Variants in ZNF497 observed in about 807,000 individuals in gnomAD.
The protein encoded by ZNF497 is zinc finger protein 497.
For missense variants in ZNF497, 930 were observed against 714.0 expected (o/e 1.30, Z -3.45); for synonymous variants, 422 against 313.7 (o/e 1.35, Z -3.65).
Position 58,355,858 on chromosome 19 carries a change from C to A in ZNF497, c.*281G>T. The A allele has an allele frequency of 2.5e-6, 1 of 406,344 alleles. No individual in the cohort carries two copies. The highest frequency in any genetic ancestry group is 4.1e-5 in the East Asian group (1 of 24,354). 25.2% of individuals were successfully genotyped at this position (406,344 alleles called of 1,614,324 possible). A position where few individuals can be genotyped will look rare whatever the true frequency, so the allele number is the denominator to read the frequency against. ...CCTGTCGGAGACCCCAGTTCTTGCC[C>A]ACCTCTGCATGGACGAACCTCTCGC... On this transcript the variant is annotated 3_prime_UTR_variant, in exon 3 of 3. Coordinates refer to ENST00000311044, the MANE Select transcript of ZNF497 (RefSeq NM_198458.3).
chr19:58,359,535 C>G (rs1246084927), intron 1 of ZNF497: 4 of 451,114 alleles, frequency 8.9e-6, no homozygotes, highest in South Asian at 6.3e-5. Flanking sequence ...CGCCTCCCCG[C>G]TTTTCTTGAG....
rs1437052622 is a variant in ZNF497, at chr19:58,356,080, C to CA, written c.*58dup. On this transcript the variant is annotated 3_prime_UTR_variant, in exon 3 of 3. Coordinates refer to ENST00000311044, the MANE Select transcript of ZNF497 (RefSeq NM_198458.3). ...AGTCTGGGCCAGCAGACAGCGCACT[C>CA]ACGCCCGAGACCCCGCAATGCCGTG... 1 of 1,465,978 alleles carries CA rather than the reference C, an allele frequency of 6.8e-7. No individual in the cohort carries two copies. The highest frequency in any genetic ancestry group is 9.0e-7 in the Non-Finnish European group (1 of 1,114,288). The allele number at this position is 1,465,978 out of a possible 1,614,324, so 90.8% of individuals were successfully genotyped here.
At chr19:58,359,062 G>A (rs1168371541) in intron 1 of ZNF497, 8 of 630,666 alleles carry the variant, frequency 1.3e-5, no homozygotes, top group South Asian at 1.2e-4. Flanking sequence ...TCTGCTCCTT[G>A]GAGCAGGCCT....
rs1404094008 is a variant in ZNF497 at position 58,356,151 on chromosome 19, G to A, written c.1485C>T (p.Arg495=). Residue 495 remains arginine (R), a synonymous_variant, in exon 3 of 3, where the codon CGC becomes CGT. Transcript: ENST00000311044. ...GGGCGTCCTCGGGTCAGGGCGCAGCGCGGCCCCCGTGCCGCTTCTGGTGCT... is the reference window on the plus strand; with the variant it reads ...GGGCGTCCTCGGGTCAGGGCGCAGCACGGCCCCCGTGCCGCTTCTGGTGCT... ...LNEHQKRHGG[R]AAP is the part of the protein sequence containing the mutation. The A allele has an allele frequency of 6.4e-7, 1 of 1,560,648 alleles. No homozygotes were observed. The highest frequency in any genetic ancestry group is 1.8e-5 in the Admixed American group (1 of 55,134).
chr19:58,359,847 C>G (rs1039373480), intron 1 of ZNF497, among the ~76,000 whole-genome samples: 1 of 152,018 alleles, frequency 6.6e-6, no homozygotes, highest in African/African-American at 2.4e-5. Flanking sequence ...GTGGCAGGCG[C>G]CTGTAATCCC....
intron 1 of ZNF497, chr19:58,359,122 T>C (rs1377250562): frequency 1.0e-5 from 12 of 1,178,916 alleles, no homozygotes; most frequent in Non-Finnish European, 1.4e-5. Context: ...CCAGGGCCCC[T>C]CGGGGCCCTG....
chr19:58,358,936 C>A, intron 1 of ZNF497: 1 of 456,802 alleles, frequency 2.2e-6, no homozygotes, highest in South Asian at 1.6e-5. Flanking sequence ...CCTGCTGTAG[C>A]CGCTCTGCCA....
rs2052011379 is a variant in ZNF497, at chr19:58,355,909, G to A, written c.*230C>T. 2.0e-6 allele frequency: 1 copy of A among 498,318 alleles called. No individual in the cohort carries two copies. The highest frequency in any genetic ancestry group is 3.4e-6 in the Non-Finnish European group (1 of 291,064). The allele number at this position is 498,318 out of a possible 1,614,324, so 30.9% of individuals were successfully genotyped here. On this transcript the variant is annotated 3_prime_UTR_variant, in exon 3 of 3. Transcript: ENST00000311044. ...CGAAGTGGAGCCTGCCGCCCTCCCT[G>A]GGGTAAGAGCCCATCCTACATGTCC...
At chr19:58,359,201 A>G (rs1456759156) in intron 1 of ZNF497, 9 of 1,290,638 alleles carry the variant, frequency 7.0e-6, no homozygotes, top group Non-Finnish European at 9.1e-6. Context: ...ACCCACCATC[A>G]GTTCCAGTGG....
chr19:58,356,717 A>C lies in ZNF497; in HGVS notation c.919T>G (p.Cys307Gly). 6.4e-6 allele frequency: 10 copies of C among 1,569,742 alleles called. No homozygotes were observed. The highest frequency in any genetic ancestry group is 6.9e-6 in the Non-Finnish European group (8 of 1,164,202). The change falls in exon 3 of 3, where the codon TGC becomes GGC. Residue 307 changes from cysteine (C) to glycine (G), a missense_variant. Transcript: ENST00000311044. The stretch of plus-strand genomic sequence containing the variant: ...GAGCTCTCGCGGAAAGCCTTTCCGC[A>C]CTCGGCGCAGGGGAAGGGCTTCTCG... The part of the protein sequence containing the change: ...SSEKPFPCAE[C>G]GKAFRESSQL...
At position 58,356,812 on chromosome 19, in the gene ZNF497, G is replaced by A. The variant is rs1369938720; in HGVS notation, c.824C>T (p.Ala275Val). The change falls in exon 3 of 3, where the codon GCC becomes GTC. Residue 275 changes from alanine (A) to valine (V), a missense_variant. Ala to Val is a moderately conservative substitution (Grantham distance 64, BLOSUM62 0). Coordinates refer to ENST00000311044, the MANE Select transcript of ZNF497 (RefSeq NM_198458.3). ...LKIHAGARPH[A>V]CPDCGKAFVR... ...GAAGGCCTTGCCGCAGTCGGGACAG[G>A]CGTGTGGCCGTGCGCCCGCGTGGAT... 5.7e-6 allele frequency: 9 copies of A among 1,569,524 alleles called. No homozygotes were observed. In the Admixed American group the frequency reaches 7.3e-5, roughly 13 times the overall value.
chr19:58,357,952 C>T (rs1375166946), intron 2 of ZNF497: 1 of 1,322,066 alleles, frequency 7.6e-7, no homozygotes, highest in Admixed American at 3.3e-5. Flanking sequence ...GCCCACGCAC[C>T]TGCACTGGCC....
intron 1 of ZNF497, among the ~76,000 whole-genome samples, chr19:58,362,126 C>T (rs2052100647): frequency 6.6e-6 from 1 of 152,228 alleles, no homozygotes; most frequent in African/African-American, 2.4e-5. Flanking sequence ...AGCGCCCACG[C>T]CCCCAACAAC....
At chr19:58,357,852 C>T (rs1166260095) in intron 2 of ZNF497, 4 of 1,302,004 alleles carry the variant, frequency 3.1e-6, no homozygotes, top group East Asian at 5.4e-5. Flanking sequence ...CACTCTGGGC[C>T]TGCCTGACAG....
At position 58,356,873 on chromosome 19, in the gene ZNF497, A is replaced by C; in HGVS notation, c.763T>G (p.Phe255Val). Residue 255 changes from phenylalanine (F) to valine (V), a missense_variant, in exon 3 of 3, where the codon TTC (phenylalanine) becomes GTC (valine). Transcript: ENST00000311044. ...PHACRDCGKAFSQSSNLAEHL... is the reference protein window; with the variant it reads ...PHACRDCGKAVSQSSNLAEHL... ...TCGGCCAGGTTGGAGCTCTGGCTGA[A>C]GGCCTTGCCACAGTCCCGGCAGGCG... is the stretch of plus-strand genomic sequence containing the variant. 6.3e-7 allele frequency: 1 copy of C among 1,591,366 alleles called. No homozygotes were observed. Among genetic ancestry groups the C allele is most frequent in the South Asian group, 1.1e-5 (1 of 89,828 alleles).
In ZNF497 at chr19:58,356,531, G is replaced by A. The variant is rs1191888380; in HGVS notation, c.1105C>T (p.Gln369Ter). Residue 369 changes from glutamine to a stop codon, truncating the protein, a stop_gained, in exon 3 of 3, where the codon CAG (glutamine) becomes TAG (stop). Coordinates refer to ENST00000311044, the MANE Select transcript of ZNF497 (RefSeq NM_198458.3). LOFTEE classifies it low-confidence loss of function (END_TRUNC). ...CGGTGGCTCAGTAGGTTGGAGCGCT[G>A]GCTGAAGGCCTTGCCGCACTGGGCG... ...ACAQCGKAFS[Q>*]RSNLLSHRRT... is the part of the protein sequence containing the mutation. The A allele has an allele frequency of 1.3e-6, 2 of 1,549,376 alleles. No homozygotes were observed. Among genetic ancestry groups the A allele is most frequent in the Admixed American group, 1.9e-5 (1 of 52,048 alleles).
At position 58,357,666 on chromosome 19, in the gene ZNF497, A is replaced by AAC; in HGVS notation, c.-14-18_-14-17insGT. ...GCCTGTGACCTAAAACAGGAGAGAA[A>AAC]AGGCAAGTACCTTAGAGAATACAAA... is the stretch of plus-strand genomic sequence containing the variant. On this transcript the variant is annotated splice_polypyrimidine_tract_variant and intron_variant, in intron 2 of 2. Transcript: ENST00000311044. 1 of 1,512,146 alleles carries AAC rather than the reference A, an allele frequency of 6.6e-7. No homozygotes were observed. The allele number at this position is 1,512,146 out of a possible 1,614,324, so 93.7% of individuals were successfully genotyped here. A position where few individuals can be genotyped will look rare whatever the true frequency, so the allele number is the denominator to read the frequency against.
At chr19:58,360,323 C>T (rs2052077002) in intron 1 of ZNF497, among the ~76,000 whole-genome samples, 1 of 151,896 alleles carries the variant, frequency 6.6e-6, no homozygotes, top group South Asian at 2.1e-4. Flanking sequence ...AAGTTACCAC[C>T]CAATCCCAAA....
intron 1 of ZNF497, 60 bp downstream of exon 1, chr19:58,362,617 G>A (rs1334006604): frequency 6.6e-6 from 1 of 152,204 alleles, no homozygotes; most frequent in Admixed American, 6.5e-5. Flanking sequence ...CGCGGCGGGA[G>A]TGGTTGGAGC....
Sources: gnomAD v4.1 joint callset for allele counts (sites outside exome capture counted in the v4.1 genomes callset) on GRCh38, gnomAD v4.1.1 for gene constraint, MANE v1.5 for transcripts, NCBI Gene and HGNC (gene_info 2026-07-23, HGNC 2026-07-21) for gene names.